FHIT: variants seen among roughly 807,000 people sequenced by gnomAD.
FHIT encodes fragile histidine triad diadenosine triphosphatase.
A neutral mutation model predicts 17.9 loss-of-function variants in FHIT; 19 were observed. The observed-to-expected ratio is 1.06, with a 90% CI of 0.74 to 1.56. FHIT has a LOEUF of 1.56. Ranked by LOEUF, FHIT falls within the 40% of genes most tolerant of loss-of-function variation. The pLI, the probability that FHIT is intolerant of heterozygous loss-of-function variation, is 0.00. For missense variants in FHIT, 248 were observed against 189.2 expected (o/e 1.31, Z -1.82); for synonymous variants, 81 against 69.7 (o/e 1.16, Z -0.81).
At chr3:60,686,705 C>G (rs1355262811) in intron 4 of FHIT, among the ~76,000 whole-genome samples, 2 of 152,084 alleles carry the variant, frequency 1.3e-5, no homozygotes, top group Non-Finnish European at 2.9e-5. Context: ...CCTTTTCTGG[C>G]CCTCTTTTTA....
chr3:59,930,398 G>A (rs778878711), intron 7 of FHIT, among the ~76,000 whole-genome samples: 6 of 152,124 alleles, frequency 3.9e-5, no homozygotes, highest in Admixed American at 1.3e-4. Context: ...CTGCTGAACC[G>A]AAAGTTCAAG....
At chr3:60,830,874 C>T (rs782231498) in intron 3 of FHIT, among the ~76,000 whole-genome samples, 14 of 152,248 alleles carry the variant, frequency 9.2e-5, no homozygotes, top group Admixed American at 3.3e-4. Context: ...TAAAACATCT[C>T]ATCCTTGTCC....
chr3:59,962,370 G>A (rs149751027), intron 7 of FHIT, among the ~76,000 whole-genome samples: 14 of 152,248 alleles, frequency 9.2e-5, no homozygotes, highest in African/African-American at 3.4e-4. Context: ...AGTTTAGTGA[G>A]AGCCAAAAGA....
At chr3:60,682,137 A>G (rs1038125585) in intron 4 of FHIT, among the ~76,000 whole-genome samples, 1 of 151,886 alleles carries the variant, frequency 6.6e-6, no homozygotes, top group Non-Finnish European at 1.5e-5. Flanking sequence ...ACGCCCTGCT[A>G]ATTTTTTGTA....
At chr3:60,054,602 T>C (rs1047778678) in intron 5 of FHIT, among the ~76,000 whole-genome samples, 4 of 152,152 alleles carry the variant, frequency 2.6e-5, no homozygotes, top group South Asian at 2.1e-4. Flanking sequence ...ATTTTCCCTA[T>C]AGATAATACT....
chr3:59,790,139 G>A (rs1699486817), intron 8 of FHIT, among the ~76,000 whole-genome samples: 2 of 152,162 alleles, frequency 1.3e-5, no homozygotes, highest in South Asian at 4.1e-4. Context: ...TGACAAGATT[G>A]GGTACAAAAT....
intron 5 of FHIT, among the ~76,000 whole-genome samples, chr3:60,118,742 C>T (rs1314975700): frequency 8.7e-6 from 1 of 115,562 alleles, no homozygotes; most frequent in Admixed American, 1.1e-4. Flanking sequence ...GGCCTGTAAT[C>T]CCAGCATGTT....
chr3:60,672,682 A>C (rs2040533889), intron 4 of FHIT, among the ~76,000 whole-genome samples: 1 of 152,206 alleles, frequency 6.6e-6, no homozygotes, highest in Non-Finnish European at 1.5e-5. Flanking sequence ...TATGACTATT[A>C]ATTGGGACAT....
intron 8 of FHIT, among the ~76,000 whole-genome samples, chr3:59,874,187 C>A (rs898807752): frequency 2.5e-4 from 38 of 152,184 alleles, no homozygotes; most frequent in African/African-American, 9.2e-4. Context: ...GTCATTCTAA[C>A]CCCAAATGCC....
intron 5 of FHIT, among the ~76,000 whole-genome samples, chr3:60,296,162 T>G (rs961974986): frequency 6.6e-6 from 1 of 152,082 alleles, no homozygotes; most frequent in African/African-American, 2.4e-5. Context: ...CTTTATAAAT[T>G]ACCAATCTTC....
At chr3:60,308,431 T>A (rs1169524147) in intron 5 of FHIT, among the ~76,000 whole-genome samples, 1 of 151,272 alleles carries the variant, frequency 6.6e-6, no homozygotes, top group African/African-American at 2.4e-5. Context: ...GAGGACATCA[T>A]CCTTTCTGTA....
At chr3:60,734,556 C>T (rs970806985) in intron 4 of FHIT, among the ~76,000 whole-genome samples, 9 of 152,172 alleles carry the variant, frequency 5.9e-5, no homozygotes, top group Non-Finnish European at 7.3e-5. Flanking sequence ...CATGGCACCA[C>T]CGGCATCCCG....
At chr3:60,447,465 C>G (rs2031419325) in intron 5 of FHIT, among the ~76,000 whole-genome samples, 1 of 152,096 alleles carries the variant, frequency 6.6e-6, no homozygotes, top group African/African-American at 2.4e-5. Context: ...TTCCAAACAA[C>G]ATGACAACTC....
chr3:60,320,306 G>A (rs1330118778), intron 5 of FHIT, among the ~76,000 whole-genome samples: 2 of 152,092 alleles, frequency 1.3e-5, no homozygotes, highest in African/African-American at 4.8e-5. Context: ...GCAGGATAGC[G>A]GCAGCGTTAT....
chr3:60,144,272 T>C (rs1412621292), intron 5 of FHIT, among the ~76,000 whole-genome samples: 3 of 152,198 alleles, frequency 2.0e-5, no homozygotes, highest in Non-Finnish European at 4.4e-5. Flanking sequence ...ATAACAACAG[T>C]AATAGCTGAA....
At chr3:60,490,744 T>G (rs2034028912) in intron 5 of FHIT, among the ~76,000 whole-genome samples, 1 of 151,902 alleles carries the variant, frequency 6.6e-6, no homozygotes, top group Non-Finnish European at 1.5e-5. Flanking sequence ...CTAAAAACAG[T>G]TGGTATTTAC....
At chr3:59,774,064 G>A (rs1702193874) in intron 8 of FHIT, among the ~76,000 whole-genome samples, 1 of 152,066 alleles carries the variant, frequency 6.6e-6, no homozygotes, top group African/African-American at 2.4e-5. Context: ...ATAGTCACAT[G>A]TGTGGTTCCC....
Position 60,676,536 on chromosome 3 carries a change from C to T in FHIT, c.-17-139557G>A, listed in dbSNP as rs543387088. ...CTCTCATTATGGAGTTTACACTCTA[C>T]CAGAGGTGAGAATGGAGGACTTAAA... On this transcript the variant is annotated intron_variant, in intron 4 of 9. Transcript: ENST00000492590. Among the ~76,000 whole-genome samples, 4 of 152,148 alleles carry T rather than the reference C, an allele frequency of 2.6e-5. No homozygotes were observed. In the South Asian group the frequency reaches 6.2e-4, roughly 24 times the overall value.
intron 5 of FHIT, among the ~76,000 whole-genome samples, chr3:60,469,975 C>A (rs572362462): frequency 6.6e-6 from 1 of 152,022 alleles, no homozygotes; most frequent in Admixed American, 6.5e-5. Context: ...GGCAGAGACT[C>A]TTGTTCTCAT....
Sources: gnomAD v4.1 joint callset for allele counts (sites outside exome capture counted in the v4.1 genomes callset) on GRCh38, gnomAD v4.1.1 for gene constraint, MANE v1.5 for transcripts, NCBI Gene and HGNC (gene_info 2026-07-23, HGNC 2026-07-21) for gene names.